The following UMOD variants were observed in gnomAD, a reference collection of about 807,000 sequenced individuals.
The protein encoded by UMOD is uromodulin.
In UMOD, 64 loss-of-function variants were observed where a neutral mutation model predicts 66.0. The ratio of observed to expected loss-of-function variants is 0.97; its 90% CI spans 0.79 to 1.19. UMOD has a LOEUF of 1.19. UMOD is among the 50% of genes most tolerant of loss of function. The pLI, the probability that UMOD is intolerant of heterozygous loss-of-function variation, is 0.00. For synonymous variants in UMOD, 398 were observed against 352.7 expected, an observed-to-expected ratio of 1.13 and a Z score of -1.44; for missense variants, 764 against 850.9, an observed-to-expected ratio of 0.90 and a Z score of 1.27.
Position 20,348,257 on chromosome 16 carries a change from C to T in UMOD, c.939G>A (p.Trp313Ter). The T allele has an allele frequency of 6.2e-7, 1 of 1,614,120 alleles. No homozygotes were observed. ...DEDCKSNNGR[W>*]HCQCKQDFNI... Reference sequence around the variant, plus strand: ...TGAAGTCCTGTTTGCACTGGCAGTGCCATCTGCCATTATTCGATTTGCAGT... The same window carrying T: ...TGAAGTCCTGTTTGCACTGGCAGTGTCATCTGCCATTATTCGATTTGCAGT... Residue 313 changes from tryptophan (W) to a stop codon, truncating the protein, a stop_gained, in exon 4 of 11, where the codon TGG becomes TGA. Transcript: ENST00000396138. LOFTEE classifies it high-confidence loss of function.
At chr16:20,350,292 G>T (rs1215180458) in intron 2 of UMOD, among the ~76,000 whole-genome samples, 1 of 152,198 alleles carries the variant, frequency 6.6e-6, no homozygotes, top group Non-Finnish European at 1.5e-5. Context: ...CTATGTGATA[G>T]AGTATGTTTC....
upstream of UMOD, among the ~76,000 whole-genome samples, chr16:20,355,558 G>A (rs148695051): frequency 2.0e-3 from 300 of 151,450 alleles, 1 homozygote; most frequent in Middle Eastern, 6.8e-3. Flanking sequence ...GGGATTACAG[G>A]TGCATACCAC....
chr16:20,351,287 G>A, intron 1 of UMOD: 1 of 185,636 alleles, frequency 5.4e-6, no homozygotes, highest in Non-Finnish European at 1.1e-5. Context: ...ATGGCAGTCT[G>A]CTCCTTCATG....
chr16:20,354,157 G>C (rs148160408), upstream of UMOD, among the ~76,000 whole-genome samples: 5 of 152,242 alleles, frequency 3.3e-5, no homozygotes, highest in African/African-American at 1.2e-4. Context: ...GTCTATCATT[G>C]ATGGACATTT....
At chr16:20,350,514 G>A in intron 2 of UMOD, 136 bp downstream of exon 2, 1 of 1,190,130 alleles carries the variant, frequency 8.4e-7, no homozygotes, top group Non-Finnish European at 1.2e-6. Flanking sequence ...AATGGACTTA[G>A]AATGAAGACA....
chr16:20,346,425 C>A, intron 4 of UMOD, 91 bp from the exon 5 acceptor site: 1 of 1,316,264 alleles, frequency 7.6e-7, no homozygotes, highest in Non-Finnish European at 1.1e-6. Flanking sequence ...GCTGGGCTGA[C>A]CACCATCTGG....
rs11310838 is a variant in UMOD, at chr16:20,344,600, C to CAAA, written c.1183-431_1183-429dup. Among the ~76,000 whole-genome samples, 760 of 126,406 alleles carry CAAA rather than the reference C, an allele frequency of 6.0e-3. 9 individuals are homozygous for CAAA. Among genetic ancestry groups the CAAA allele is most frequent in the African/African-American group, 0.022 (719 of 33,320 alleles). 82.9% of individuals were successfully genotyped at this position (126,406 alleles called of 152,430 possible). A position where few individuals can be genotyped will look rare whatever the true frequency, so the allele number is the denominator to read the frequency against. On this transcript the variant is annotated intron_variant, in intron 5 of 10. Transcript: ENST00000396138. ...CCTCGGCGACAGGGAGATTCCATCT[C>CAAA]AAAAAAAAAAAAAAAAATCCCACAA...
In UMOD at chr16:20,352,706, G is replaced by C. The variant is rs1965955142; in HGVS notation, c.-120C>G. 2 of 1,231,580 alleles carry C rather than the reference G, an allele frequency of 1.6e-6. No individual in the cohort carries two copies. Among genetic ancestry groups the C allele is most frequent in the African/African-American group, 1.6e-5 (1 of 64,402 alleles). The allele number at this position is 1,231,580 out of a possible 1,614,324, so 76.3% of individuals were successfully genotyped here. ...AGCCTTACCTGAAGCCAGAAAGGTA[G>C]AGTTAGTCTGGTCATGATGTGCCTC... On this transcript the variant is annotated 5_prime_UTR_variant, in exon 1 of 11. Coordinates refer to ENST00000396138, the MANE Select transcript of UMOD (RefSeq NM_003361.4).
chr16:20,351,729 C>T (rs1457056648), intron 1 of UMOD, among the ~76,000 whole-genome samples: 5 of 151,784 alleles, frequency 3.3e-5, no homozygotes, highest in African/African-American at 1.2e-4. Flanking sequence ...AAAAGAAAAA[C>T]ATTTTATGTT....
chr16:20,346,519 C>A (rs1467830111), intron 4 of UMOD, among the ~76,000 whole-genome samples, 185 bp from the exon 5 acceptor site: 1 of 152,258 alleles, frequency 6.6e-6, no homozygotes, highest in East Asian at 1.9e-4. Context: ...TCAATGGATA[C>A]ATCCACTGAC....
At chr16:20,352,021 C>G (rs866018587) in intron 1 of UMOD, among the ~76,000 whole-genome samples, 3 of 122,992 alleles carry the variant, frequency 2.4e-5, no homozygotes, top group Non-Finnish European at 3.4e-5. Context: ...CCCCCCCCCC[C>G]AAAAAAAAAA....
chr16:20,341,085 C>G lies in UMOD; in HGVS notation c.1577+6G>C, dbSNP rs771481951. 1.2e-6 allele frequency: 2 copies of G among 1,613,534 alleles called. No homozygotes were observed. The highest frequency in any genetic ancestry group is 2.2e-5 in the South Asian group (2 of 90,886). ...ATGAGTTCCCATGTAGGAACCTTTG[C>G]CTTACCTGTCCTGGATGATGAAGTA... On this transcript the variant is annotated splice_donor_region_variant and intron_variant, in intron 7 of 10. Transcript: ENST00000396138.
chr16:20,351,849 C>A (rs1965908836), intron 1 of UMOD, among the ~76,000 whole-genome samples: 1 of 152,000 alleles, frequency 6.6e-6, no homozygotes, highest in African/African-American at 2.4e-5. Context: ...GAAACCCCAT[C>A]TCTAATAAAA....
At chr16:20,349,432 T>G (rs1340430461) in intron 2 of UMOD, among the ~76,000 whole-genome samples, 1 of 152,228 alleles carries the variant, frequency 6.6e-6, no homozygotes, top group African/African-American at 2.4e-5. Context: ...TTAACTTTAT[T>G]TATTTTTTTG....
chr16:20,355,223 C>T (rs1042670936), upstream of UMOD, among the ~76,000 whole-genome samples: 1 of 152,032 alleles, frequency 6.6e-6, no homozygotes, highest in Non-Finnish European at 1.5e-5. Flanking sequence ...TGTCAGTGGC[C>T]ATAATTTCCT....
At position 20,352,017 on chromosome 16, in the gene UMOD, C is replaced by CG. The variant is rs1282565784; in HGVS notation, c.-103+671_-103+672insC. 2.1e-5 allele frequency among the ~76,000 whole-genome samples: 3 copies of CG among 141,108 alleles called. 1 individual carries two copies. Among genetic ancestry groups the CG allele is most frequent in the African/African-American group, 2.9e-5 (1 of 35,060 alleles). 92.6% of individuals were successfully genotyped at this position (141,108 alleles called of 152,430 possible). A position where few individuals can be genotyped will look rare whatever the true frequency, so the allele number is the denominator to read the frequency against. On this transcript the variant is annotated intron_variant, in intron 1 of 10. Transcript: ENST00000396138. Reference sequence around the variant, plus strand: ...TGGGTGACAGAGAGTCCATCCCCCCCCCCCAAAAAAAAAAAGACAGAAAGA... The same window carrying CG: ...TGGGTGACAGAGAGTCCATCCCCCCCGCCCCAAAAAAAAAAAGACAGAAAGA...
chr16:20,341,312 C>T lies in UMOD; in HGVS notation c.1356G>A (p.Gly452=). 2 of 1,613,880 alleles carry T rather than the reference C, an allele frequency of 1.2e-6. No individual in the cohort carries two copies. Among genetic ancestry groups the T allele is most frequent in the Non-Finnish European group, 1.7e-6 (2 of 1,180,004 alleles). ...CCATCCGCACGGTGAACATGCCGGT[C>T]CCGCCCACTCTGATGTTTAGAGCAC... is the stretch of plus-strand genomic sequence containing the variant. ...MVSALNIRVG[G]TGMFTVRMAL... The change falls in exon 7 of 11, where the codon GGG becomes GGA. Residue 452 remains glycine, a synonymous_variant. Coordinates refer to ENST00000396138, the MANE Select transcript of UMOD (RefSeq NM_003361.4).
rs1965454295 is a variant in UMOD, at chr16:20,344,845, A to G, written c.1183-673T>C. ...CTGCTTCCCAGACAAGAAGACAGAGATTCATAGTAACAGAGTCACTGAGGG... is the reference window on the plus strand; with the variant it reads ...CTGCTTCCCAGACAAGAAGACAGAGGTTCATAGTAACAGAGTCACTGAGGG... On this transcript the variant is annotated intron_variant, in intron 5 of 10. Coordinates refer to ENST00000396138, the MANE Select transcript of UMOD (RefSeq NM_003361.4). Among the ~76,000 whole-genome samples, 3 of 152,270 alleles carry G rather than the reference A, an allele frequency of 2.0e-5. No individual in the cohort carries two copies. The South Asian group carries it at 6.2e-4, about 32-fold the overall frequency.
intron 8 of UMOD, 25 bp downstream of exon 8, chr16:20,337,266 G>C: frequency 6.2e-7 from 1 of 1,613,898 alleles, no homozygotes; most frequent in Non-Finnish European, 8.5e-7. Flanking sequence ...ACAAGAGATG[G>C]GCTGGGGGAG....
Sources: allele counts gnomAD v4.1 joint callset (sites outside exome capture counted in the v4.1 genomes callset), GRCh38; gene constraint gnomAD v4.1.1; transcripts MANE v1.5; gene names NCBI Gene and HGNC (gene_info 2026-07-23, HGNC 2026-07-21).